The following DGCR8 variants were observed in gnomAD, a reference collection of about 807,000 sequenced individuals.
DGCR8 encodes the protein microprocessor complex subunit DGCR8.
Under a neutral mutation model 78.5 loss-of-function variants are expected in DGCR8, and 14 were observed. That is an observed-to-expected ratio of 0.18 (90% confidence interval 0.12 to 0.28). The LOEUF (loss-of-function observed/expected upper bound fraction) is 0.28. DGCR8 is among the 10% of genes least tolerant of loss of function. The pLI is 1.00. For synonymous variants in DGCR8, 399 were observed against 402.4 expected (o/e 0.99, Z 0.10); for missense variants, 702 against 1,022.5 (o/e 0.69, Z 4.28).
At chr22:20,081,034 C>T (rs2049412332) in intron 1 of DGCR8, among the ~76,000 whole-genome samples, 1 of 152,234 alleles carries the variant, frequency 6.6e-6, no homozygotes, top group African/African-American at 2.4e-5. Flanking sequence ...CCACTGTTTC[C>T]TGGCCAGACT....
chr22:20,082,809 A>G lies in DGCR8; in HGVS notation c.-278+2426A>G, dbSNP rs535210379. Among the ~76,000 whole-genome samples, 302 of 152,356 alleles carry G rather than the reference A, an allele frequency of 2.0e-3. 1 individual carries two copies. The highest frequency in any genetic ancestry group is 3.5e-3 in the Non-Finnish European group (241 of 68,036). On this transcript the variant is annotated intron_variant, in intron 1 of 13. Transcript: ENST00000351989. ...GGGTGAACCTTTCTTCCATAATGCT[A>G]TGTGAGACCTGGGTGAGTTAAAATG... is the stretch of plus-strand genomic sequence containing the variant.
Position 20,110,066 on chromosome 22 carries a change from C to A in DGCR8, c.2280C>A (p.Ser760=), listed in dbSNP as rs374499450. The change falls in exon 14 of 14, where the codon TCC becomes TCA. Residue 760 remains serine (S), a synonymous_variant. Transcript: ENST00000351989. ...AGCCCAAGATGTCCATTGTGGCGTC[C>A]GCCCAGCCTGGCGGTGAGCCCCTGT... ...RKKPKMSIVA[S]AQPGGEPLCT... is the part of the protein sequence containing the mutation. 25 of 1,612,974 alleles carry A rather than the reference C, an allele frequency of 1.5e-5. No homozygotes were observed. The highest frequency in any genetic ancestry group is 5.0e-5 in the Admixed American group (3 of 60,014).
Position 20,091,636 on chromosome 22 carries a change from T to A in DGCR8, c.1504+4T>A. 1 of 1,607,568 alleles carries A rather than the reference T, an allele frequency of 6.2e-7. No individual in the cohort carries two copies. The highest frequency in any genetic ancestry group is 1.3e-5 in the African/African-American group (1 of 74,920). ...CAAGATGCACCCACAAAGAAAGGTA[T>A]AAGCCTCTGCATTTTAACATCAGCA... On this transcript the variant is annotated splice_donor_region_variant and intron_variant, in intron 6 of 13. Transcript: ENST00000351989.
chr22:20,082,401 T>A (rs1235131593), intron 1 of DGCR8, among the ~76,000 whole-genome samples: 1 of 150,734 alleles, frequency 6.6e-6, no homozygotes, highest in African/African-American at 2.4e-5. Flanking sequence ...GAGTCTCGCT[T>A]TGTTGCTCAG....
intron 1 of DGCR8, among the ~76,000 whole-genome samples, chr22:20,082,662 C>T (rs567614392): frequency 2.2e-4 from 33 of 152,318 alleles, no homozygotes; most frequent in Non-Finnish European, 3.5e-4. Context: ...CCACCGCGCC[C>T]GGCCCAGAGT....
At position 20,086,352 on chromosome 22, in the gene DGCR8, G is replaced by A; in HGVS notation, c.389G>A (p.Ser130Asn). ...GTGAGCTTTACCGAGAGCTGCAGGA[G>A]TAAGGACAGGAAGGTGCTGTACACA... ...ISVSFTESCR[S>N]KDRKVLYTGA... The change falls in exon 2 of 14, where the codon AGT becomes AAT. Residue 130 changes from serine (S) to asparagine (N), a missense_variant. By Grantham distance (46) the Ser-to-Asn change is conservative. Coordinates refer to ENST00000351989, the MANE Select transcript of DGCR8 (RefSeq NM_022720.7). This position sits in a 1 kb window ranked among gnomAD's most constrained non-coding sequence, Gnocchi z 6.4. 1 of 1,614,114 alleles carries A rather than the reference G, an allele frequency of 6.2e-7. No homozygotes were observed. Among genetic ancestry groups the A allele is most frequent in the Non-Finnish European group, 8.5e-7 (1 of 1,180,038 alleles).
At chr22:20,103,849 G>T (rs1023603218) in intron 9 of DGCR8, among the ~76,000 whole-genome samples, 2 of 152,202 alleles carry the variant, frequency 1.3e-5, no homozygotes, top group Non-Finnish European at 2.9e-5. Flanking sequence ...TCTTGAACAG[G>T]TGTAGGGCTG....
At position 20,089,752 on chromosome 22, in the gene DGCR8, A is replaced by G; in HGVS notation, c.964A>G (p.Arg322Gly). The G allele has an allele frequency of 6.2e-7, 1 of 1,613,782 alleles. No homozygotes were observed. Among genetic ancestry groups the G allele is most frequent in the Non-Finnish European group, 8.5e-7 (1 of 1,179,932 alleles). ...HNSGVPVYLH[R>G]ESRVVTWSRP... ...CTCTGGAGTCCCGGTGTACCTACAC[A>G]GAGAGTCTCGGGTGGTCACCTGGTC... is the stretch of plus-strand genomic sequence containing the variant. Residue 322 changes from arginine (R) to glycine (G), a missense_variant, in exon 4 of 14, where the codon AGA (arginine) becomes GGA (glycine). By Grantham distance (125) the Arg-to-Gly change is moderately radical. Transcript: ENST00000351989. The surrounding 1 kb of genome is among the most constrained non-coding windows in gnomAD (Gnocchi z 4.9).
Position 20,089,492 on chromosome 22 carries a change from T to C in DGCR8, c.881-177T>C, listed in dbSNP as rs1424957804. ...TAAATTCCCACCTCAGGCCACATGC[T>C]ATCTGTCCTAGGCCTGGAGGCATAG... is the stretch of plus-strand genomic sequence containing the variant. On this transcript the variant is annotated intron_variant, in intron 3 of 13. Transcript: ENST00000351989. The surrounding 1 kb of genome is among the most constrained non-coding windows in gnomAD (Gnocchi z 4.9). Among the ~76,000 whole-genome samples, 2 of 152,214 alleles carry C rather than the reference T, an allele frequency of 1.3e-5. No individual in the cohort carries two copies. Among genetic ancestry groups the C allele is most frequent in the African/African-American group, 4.8e-5 (2 of 41,444 alleles).
intron 12 of DGCR8, 109 bp from the exon 13 acceptor site, chr22:20,108,781 G>GACCCTGGGCGCGCCTACCTTGCCAA: frequency 1.3e-6 from 1 of 760,528 alleles, no homozygotes; most frequent in Non-Finnish European, 2.4e-6. Context: ...GTGTCTGCCA[G>GACCCTGGGCGCGCCTACCTTGCCAA]ACCCTGGGCG....
At chr22:20,081,367 A>G (rs891418844) in intron 1 of DGCR8, among the ~76,000 whole-genome samples, 1 of 152,222 alleles carries the variant, frequency 6.6e-6, no homozygotes, top group Non-Finnish European at 1.5e-5. Flanking sequence ...CCCCGTGCCA[A>G]GGGTCCAGGG....
rs71717697 is a variant in DGCR8 at position 20,111,706 on chromosome 22, G to GCCCCCCCCCCCCCCCCCC, written c.*1614_*1615insCCCCCCCCCCCCCCCCCC. 3.6e-4 allele frequency: 23 copies of GCCCCCCCCCCCCCCCCCC among 63,038 alleles called. 8 individuals are homozygous for GCCCCCCCCCCCCCCCCCC. Among genetic ancestry groups the GCCCCCCCCCCCCCCCCCC allele is most frequent in the Non-Finnish European group, 4.8e-4 (16 of 33,560 alleles). The allele number at this position is 63,038 out of a possible 1,614,324, so 3.9% of individuals were successfully genotyped here. A position where few individuals can be genotyped will look rare whatever the true frequency, so the allele number is the denominator to read the frequency against. On this transcript the variant is annotated 3_prime_UTR_variant, in exon 14 of 14. Coordinates refer to ENST00000351989, the MANE Select transcript of DGCR8 (RefSeq NM_022720.7). Reference sequence around the variant, plus strand: ...TGCCATACTCTTGTGGTCTCTGTGCGCCCCCCCCCCCCCCCCACCCGTCTG... The same window carrying GCCCCCCCCCCCCCCCCCC: ...TGCCATACTCTTGTGGTCTCTGTGCGCCCCCCCCCCCCCCCCCCCCCCCCCCCCCCCCCCACCCGTCTG...
intron 12 of DGCR8, chr22:20,107,650 T>C: frequency 3.9e-6 from 2 of 512,450 alleles, no homozygotes; most frequent in South Asian, 4.3e-5. Context: ...GCTATGTGGC[T>C]TGTAGGGAGA....
intron 13 of DGCR8, 111 bp downstream of exon 13, chr22:20,109,114 T>C: frequency 3.1e-6 from 2 of 642,376 alleles, no homozygotes; most frequent in Non-Finnish European, 5.7e-6. Context: ...TGGAAATGCT[T>C]GGATCCTCCT....
Position 20,086,177 on chromosome 22 carries a change from G to A in DGCR8, c.214G>A (p.Ala72Thr). Reference sequence around the variant, plus strand: ...TGAGGACCCCTTCAACTTCTACGGAGCTTCTCTTCTCTCCAAAGGATCCTT... The same window carrying A: ...TGAGGACCCCTTCAACTTCTACGGAACTTCTCTTCTCTCCAAAGGATCCTT... ...PAEDPFNFYG[A>T]SLLSKGSFSK... The change falls in exon 2 of 14, where the codon GCT (alanine) becomes ACT (threonine). Residue 72 changes from alanine (A) to threonine (T), a missense_variant. Physicochemically the swap from Ala to Thr is moderately conservative, Grantham distance 58. This residue lies in a region of DGCR8 where 356 missense variants were observed against 448.9 expected (regional missense o/e 0.79). Transcript: ENST00000351989. The surrounding 1 kb of genome is among the most constrained non-coding windows in gnomAD (Gnocchi z 6.4). 1 of 1,614,184 alleles carries A rather than the reference G, an allele frequency of 6.2e-7. No individual in the cohort carries two copies. Among genetic ancestry groups the A allele is most frequent in the Non-Finnish European group, 8.5e-7 (1 of 1,180,048 alleles).
At chr22:20,083,531 C>T (rs1041010559) in intron 1 of DGCR8, among the ~76,000 whole-genome samples, 19 of 152,024 alleles carry the variant, frequency 1.2e-4, no homozygotes, top group Admixed American at 2.0e-4. Context: ...TCTTCAGTGC[C>T]GCCGCTTGGC....
chr22:20,085,198 C>T lies in DGCR8; in HGVS notation c.-277-489C>T. The T allele has an allele frequency of 4.0e-6, 1 of 247,372 alleles. No homozygotes were observed. The highest frequency in any genetic ancestry group is 6.4e-6 in the Non-Finnish European group (1 of 155,128). 15.3% of individuals were successfully genotyped at this position (247,372 alleles called of 1,614,324 possible). A position where few individuals can be genotyped will look rare whatever the true frequency, so the allele number is the denominator to read the frequency against. ...CTGGGTAGCAGAGCGCCTGGCCATG[C>T]CTCTGAGGCCCCTAGTGCCGCAGAG... On this transcript the variant is annotated intron_variant, in intron 1 of 13. Coordinates refer to ENST00000351989, the MANE Select transcript of DGCR8 (RefSeq NM_022720.7). This position sits in a 1 kb window ranked among gnomAD's most constrained non-coding sequence, Gnocchi z 6.2.
intron 1 of DGCR8, chr22:20,084,994 G>A (rs763087029): frequency 8.1e-6 from 8 of 985,298 alleles, no homozygotes; most frequent in African/African-American, 5.2e-5. Flanking sequence ...CTGTGCCTCG[G>A]CTCCAGCTGT....
intron 10 of DGCR8, 88 bp downstream of exon 10, chr22:20,106,365 G>T: frequency 8.3e-7 from 1 of 1,199,990 alleles, no homozygotes; most frequent in Non-Finnish European, 1.2e-6. Flanking sequence ...TTGTCCCAAG[G>T]CAGAGGCATG....
Sources: gnomAD v4.1 joint callset for allele counts (sites outside exome capture counted in the v4.1 genomes callset) on GRCh38, gnomAD v4.1.1 for gene constraint, gnomAD v4.1.1 regional missense constraint, Gnocchi (gnomAD v3.1) non-coding constraint, MANE v1.5 for transcripts, NCBI Gene and HGNC (gene_info 2026-07-23, HGNC 2026-07-21) for gene names.